Variants in DMD observed in about 807,000 individuals in gnomAD.
The protein encoded by DMD is dystrophin.
In DMD, 63 loss-of-function variants were observed where a neutral mutation model predicts 330.1. That is an observed-to-expected ratio of 0.19 (90% confidence interval 0.16 to 0.24). The LOEUF (loss-of-function observed/expected upper bound fraction) is 0.24. Among genes scored for constraint, DMD ranks in the 10% least tolerant of loss-of-function variants. The probability of loss-of-function intolerance (pLI) is 1.00; values close to 1 mark genes in which losing one functional copy is unlikely to be tolerated. For synonymous variants in DMD, 1,223 were observed against 959.8 expected (o/e 1.27, Z -5.07); for missense variants, 3,344 against 2,684.1 (o/e 1.25, Z -5.43).
intron 1 of DMD, among the ~76,000 whole-genome samples, chrX:33,164,188 G>A (rs1027379357): frequency 9.0e-6 from 1 of 111,454 alleles, no homozygotes; most frequent in African/African-American, 3.3e-5. Flanking sequence ...AATAGTGGAC[G>A]GAATATGCAC....
At chrX:32,899,201 T>G (rs772168346) in intron 2 of DMD, among the ~76,000 whole-genome samples, 5 of 112,390 alleles carry the variant, frequency 4.4e-5, no homozygotes, top group African/African-American at 1.6e-4. Flanking sequence ...TTCTTTCCAA[T>G]TTACACAATG....
chrX:32,403,254 C>A (rs988526393), intron 30 of DMD, among the ~76,000 whole-genome samples: 1 of 111,775 alleles, frequency 8.9e-6, no homozygotes, highest in African/African-American at 3.2e-5. Flanking sequence ...TTGCATAAGA[C>A]AAAATTGGGA....
intron 74 of DMD, among the ~76,000 whole-genome samples, chrX:31,153,237 G>C (rs961293469): frequency 2.7e-5 from 3 of 111,754 alleles, no homozygotes; most frequent in Non-Finnish European, 3.8e-5. Context: ...TCTTCCCTCG[G>C]CTCTATGCAT....
intron 44 of DMD, among the ~76,000 whole-genome samples, chrX:32,211,038 G>C (rs182100450): frequency 8.9e-6 from 1 of 111,875 alleles, no homozygotes; most frequent in African/African-American, 3.2e-5. Context: ...AAGCTGAAGA[G>C]CAGCTAAAGG....
In DMD at chrX:31,828,879, A is replaced by C. The variant is rs186982556; in HGVS notation, c.7200+7839T>G. Among the ~76,000 whole-genome samples the C allele has an allele frequency of 5.5e-4, 61 of 111,370 alleles. 1 individual carries two copies. The highest frequency in any genetic ancestry group is 2.6e-3 in the Admixed American group (27 of 10,434). ...CCTCCCTAAATCATTCTATGAAGTC[A>C]GTATCACCCTAATACCAAAACCAGA... On this transcript the variant is annotated intron_variant, in intron 49 of 78. Coordinates refer to ENST00000357033, the MANE Select transcript of DMD (RefSeq NM_004006.3).
intron 11 of DMD, among the ~76,000 whole-genome samples, chrX:32,632,227 C>T (rs1436385422): frequency 2.7e-5 from 3 of 112,118 alleles, no homozygotes; most frequent in Non-Finnish European, 5.6e-5. Flanking sequence ...GCTTTGACTC[C>T]ATGTCCTACA....
intron 1 of DMD, among the ~76,000 whole-genome samples, chrX:33,083,282 A>G (rs751457440): frequency 1.8e-5 from 2 of 112,367 alleles, no homozygotes; most frequent in South Asian, 7.4e-4. Flanking sequence ...ATTCTGCCCA[A>G]CGGGCTGCAT....
At chrX:32,958,866 C>G (rs183673314) in intron 2 of DMD, among the ~76,000 whole-genome samples, 36 of 110,288 alleles carry the variant, frequency 3.3e-4, no homozygotes, top group Non-Finnish European at 6.3e-4. Context: ...ACATTATTAC[C>G]AACCTGCTAT....
intron 60 of DMD, among the ~76,000 whole-genome samples, chrX:31,436,205 C>T (rs770418764): frequency 5.4e-5 from 6 of 111,892 alleles, no homozygotes; most frequent in African/African-American, 1.9e-4. Context: ...TTAGAACTAG[C>T]AAAAATAGTT....
intron 9 of DMD, among the ~76,000 whole-genome samples, chrX:32,663,510 T>C (rs1341071326): frequency 8.9e-6 from 1 of 111,860 alleles, no homozygotes; most frequent in Admixed American, 9.5e-5. Flanking sequence ...ACATCATAAC[T>C]TCATTTATTT....
intron 41 of DMD, among the ~76,000 whole-genome samples, chrX:32,321,988 A>G (rs2097618760): frequency 9.0e-6 from 1 of 111,559 alleles, no homozygotes; most frequent in Admixed American, 9.6e-5. Context: ...CTTAGAAAAG[A>G]GAATGATCAT....
At chrX:32,413,505 TTC>T (rs1284558939) in intron 29 of DMD, among the ~76,000 whole-genome samples, 2 of 109,870 alleles carry the variant, frequency 1.8e-5, no homozygotes, top group East Asian at 2.8e-4. Flanking sequence ...TTCCAATCTT[TTC>T]TCTCTCTCTC....
At chrX:32,653,397 C>T (rs1435657856) in intron 9 of DMD, among the ~76,000 whole-genome samples, 1 of 111,843 alleles carries the variant, frequency 8.9e-6, no homozygotes, top group Admixed American at 9.5e-5. Context: ...TTTCCCAGCA[C>T]CATTTATTAA....
At chrX:31,737,809 C>A (rs936507226) in intron 51 of DMD, among the ~76,000 whole-genome samples, 2 of 111,698 alleles carry the variant, frequency 1.8e-5, no homozygotes, top group African/African-American at 6.5e-5. Flanking sequence ...TCAAGTATGG[C>A]ACTACAGCTG....
chrX:32,923,520 C>T (rs975273391), intron 2 of DMD, among the ~76,000 whole-genome samples: 6 of 109,751 alleles, frequency 5.5e-5, no homozygotes, highest in Non-Finnish European at 1.1e-4. Flanking sequence ...AAGATCGCAC[C>T]ACTTCACTCC....
chrX:31,592,026 C>A (rs1050218425), intron 55 of DMD, among the ~76,000 whole-genome samples: 1 of 110,550 alleles, frequency 9.0e-6, no homozygotes, highest in African/African-American at 3.3e-5. Context: ...ACTGCATATT[C>A]TCCTAGAGCA....
At chrX:31,513,724 C>T (rs6628613) in intron 55 of DMD, among the ~76,000 whole-genome samples, 10,265 of 110,977 alleles carry the variant, frequency 0.092, 558 homozygotes, top group Admixed American at 0.18. Flanking sequence ...ACCATAGCAG[C>T]AGCAGCAGCA....
intron 69 of DMD, among the ~76,000 whole-genome samples, chrX:31,180,165 G>T (rs1363203558): frequency 9.0e-6 from 1 of 111,459 alleles, no homozygotes; most frequent in East Asian, 2.8e-4. Context: ...TTTATTGAGG[G>T]TCTATCATGT....
At chrX:33,082,309 A>G (rs1351601841) in intron 1 of DMD, among the ~76,000 whole-genome samples, 1 of 112,286 alleles carries the variant, frequency 8.9e-6, no homozygotes, top group Non-Finnish European at 1.9e-5. Flanking sequence ...CAAGTGGACA[A>G]TATTTTTAGC....
Sources: gnomAD v4.1 joint callset for allele counts (sites outside exome capture counted in the v4.1 genomes callset) on GRCh38, gnomAD v4.1.1 for gene constraint, MANE v1.5 for transcripts, NCBI Gene and HGNC (gene_info 2026-07-23, HGNC 2026-07-21) for gene names.